Variants in UBL3 observed in about 807,000 individuals in gnomAD.
UBL3 encodes ubiquitin like 3.
A neutral mutation model predicts 18.4 loss-of-function variants in UBL3; 6 were observed. The ratio of observed to expected loss-of-function variants is 0.33; its 90% CI spans 0.18 to 0.64. The LOEUF is 0.64. Ranked by LOEUF, UBL3 falls within the 30% of genes least tolerant of loss-of-function variation. UBL3 has a pLI of 0.76. For synonymous variants in UBL3, 49 were observed against 46.6 expected (o/e 1.05, Z -0.21); for missense variants, 109 against 142.9 (o/e 0.76, Z 1.21).
intron 1 of UBL3, among the ~76,000 whole-genome samples, chr13:29,804,180 C>T (rs776433037): frequency 1.3e-4 from 20 of 151,502 alleles, no homozygotes; most frequent in Admixed American, 8.5e-4. Context: ...CAAAACCATA[C>T]AATTACAGGT....
intron 1 of UBL3, among the ~76,000 whole-genome samples, chr13:29,777,872 T>C (rs1045592996): frequency 1.3e-5 from 2 of 152,112 alleles, no homozygotes; most frequent in Non-Finnish European, 2.9e-5. Flanking sequence ...GCTCAATCCA[T>C]TCTCCTGCCT....
intron 1 of UBL3, among the ~76,000 whole-genome samples, chr13:29,811,569 C>G (rs959922551): frequency 1.3e-5 from 2 of 151,990 alleles, no homozygotes; most frequent in African/African-American, 2.4e-5. Flanking sequence ...ATAGACTGTC[C>G]CTGCCATGCC....
intron 2 of UBL3, among the ~76,000 whole-genome samples, chr13:29,776,915 C>T (rs1489593218): frequency 4.3e-5 from 6 of 138,114 alleles, no homozygotes; most frequent in Middle Eastern, 3.6e-3. Context: ...TTTTCACTTA[C>T]GTTAAAACAG....
chr13:29,820,494 T>G (rs1878405395), intron 1 of UBL3, among the ~76,000 whole-genome samples: 1 of 152,136 alleles, frequency 6.6e-6, no homozygotes, highest in Admixed American at 6.5e-5. Context: ...TCAGACTTTT[T>G]ATAGTAACTC....
At chr13:29,783,165 C>T (rs977912469) in intron 1 of UBL3, among the ~76,000 whole-genome samples, 4 of 152,150 alleles carry the variant, frequency 2.6e-5, no homozygotes, top group African/African-American at 9.7e-5. Context: ...AGTTCAAATG[C>T]GTGAACACCT....
At chr13:29,812,937 G>A (rs989412668) in intron 1 of UBL3, among the ~76,000 whole-genome samples, 1 of 151,956 alleles carries the variant, frequency 6.6e-6, no homozygotes, top group Non-Finnish European at 1.5e-5. Context: ...TAACTTTAAT[G>A]TGGCTACCAG....
chr13:29,778,955 A>G (rs1877073939), intron 1 of UBL3, among the ~76,000 whole-genome samples: 1 of 152,216 alleles, frequency 6.6e-6, no homozygotes, highest in Non-Finnish European at 1.5e-5. Context: ...ATTCCAGGTG[A>G]AAAACCCTTT....
At chr13:29,807,801 G>C (rs1446647562) in intron 1 of UBL3, among the ~76,000 whole-genome samples, 1 of 152,144 alleles carries the variant, frequency 6.6e-6, no homozygotes, top group Non-Finnish European at 1.5e-5. Flanking sequence ...ACAGTTAACT[G>C]CAAGATTGGC....
At chr13:29,777,072 T>C in intron 2 of UBL3, 83 bp downstream of exon 2, 1 of 1,105,030 alleles carries the variant, frequency 9.0e-7, no homozygotes, top group Non-Finnish European at 1.3e-6. Flanking sequence ...TTAAATGTTA[T>C]ATAACAGTTT....
intron 1 of UBL3, among the ~76,000 whole-genome samples, chr13:29,812,234 CA>C (rs1878108596): frequency 6.6e-6 from 1 of 152,008 alleles, no homozygotes; most frequent in Admixed American, 6.6e-5. Context: ...TTAGCCAATT[CA>C]AAATTCAATT....
chr13:29,830,664 T>C (rs1470441996), intron 1 of UBL3, among the ~76,000 whole-genome samples: 1 of 152,200 alleles, frequency 6.6e-6, no homozygotes, highest in Non-Finnish European at 1.5e-5. Context: ...AAGGAATAAT[T>C]TCAGAGCAAA....
chr13:29,823,856 C>G (rs186798357), intron 1 of UBL3, among the ~76,000 whole-genome samples: 1 of 137,868 alleles, frequency 7.3e-6, no homozygotes, highest in Non-Finnish European at 1.6e-5. Context: ...ATCCCTCCCC[C>G]CTCCCCCCAT....
intron 1 of UBL3, among the ~76,000 whole-genome samples, chr13:29,840,170 C>G (rs1593677864): frequency 1.3e-5 from 2 of 151,928 alleles, no homozygotes; most frequent in Admixed American, 1.3e-4. Context: ...AAGGAGAGAT[C>G]ATAGATACTA....
intron 1 of UBL3, among the ~76,000 whole-genome samples, chr13:29,824,990 C>T (rs1878579917): frequency 6.6e-6 from 1 of 152,160 alleles, no homozygotes; most frequent in African/African-American, 2.4e-5. Context: ...TTGCTTTTGT[C>T]AGGTTTGTCA....
At chr13:29,821,302 T>C (rs1353990943) in intron 1 of UBL3, among the ~76,000 whole-genome samples, 1 of 152,234 alleles carries the variant, frequency 6.6e-6, no homozygotes, top group Non-Finnish European at 1.5e-5. Flanking sequence ...TTTATTACAC[T>C]AAACTCATCA....
intron 1 of UBL3, among the ~76,000 whole-genome samples, chr13:29,813,388 A>C (rs887000012): frequency 6.6e-6 from 1 of 152,050 alleles, no homozygotes; most frequent in Admixed American, 6.6e-5. Flanking sequence ...GAAAAAAGTA[A>C]TTATCTTCAG....
intron 1 of UBL3, among the ~76,000 whole-genome samples, chr13:29,812,271 T>C (rs1411935653): frequency 6.6e-6 from 1 of 152,056 alleles, no homozygotes; most frequent in African/African-American, 2.4e-5. Flanking sequence ...CTGGGAATGT[T>C]GAATATCTGC....
chr13:29,849,784 C>T lies in UBL3; in HGVS notation c.-246G>A, dbSNP rs961598912. On this transcript the variant is annotated 5_prime_UTR_variant, in exon 1 of 5. Coordinates refer to ENST00000380680, the MANE Select transcript of UBL3 (RefSeq NM_007106.4). Reference sequence around the variant, plus strand: ...ACTCCCGGGACAGCAGAGGCAGCCCCCGTCGTCGTCGTCGTCGTCAACAGC... The same window carrying T: ...ACTCCCGGGACAGCAGAGGCAGCCCTCGTCGTCGTCGTCGTCGTCAACAGC... 1.2e-5 allele frequency: 7 copies of T among 590,582 alleles called. No individual in the cohort carries two copies. In the Admixed American group the frequency reaches 2.1e-4, roughly 18 times the overall value. The allele number at this position is 590,582 out of a possible 1,614,324, so 36.6% of individuals were successfully genotyped here. A position where few individuals can be genotyped will look rare whatever the true frequency, so the allele number is the denominator to read the frequency against.
intron 1 of UBL3, among the ~76,000 whole-genome samples, chr13:29,835,147 T>TATAA (rs1878918671): frequency 6.4e-5 from 1 of 15,682 alleles, no homozygotes; most frequent in Non-Finnish European, 1.2e-4. Flanking sequence ...TATATATATA[T>TATAA]ATATATATAT....
Sources: allele counts gnomAD v4.1 joint callset (sites outside exome capture counted in the v4.1 genomes callset), GRCh38; gene constraint gnomAD v4.1.1; transcripts MANE v1.5; gene names NCBI Gene and HGNC (gene_info 2026-07-23, HGNC 2026-07-21).